NEBL: variants seen among roughly 807,000 people sequenced by gnomAD.
NEBL encodes the protein LIM and SH3 protein 2.
In NEBL, 122 loss-of-function variants were observed where a neutral mutation model predicts 140.2. That is an observed-to-expected ratio of 0.87 (90% CI 0.75 to 1.01). The LOEUF (loss-of-function observed/expected upper bound fraction) is 1.01. Among genes scored for constraint, NEBL ranks in the 50% least tolerant of loss-of-function variants. The pLI, the probability that NEBL is intolerant of heterozygous loss-of-function variation, is 0.00. For synonymous variants in NEBL, 436 were observed against 398.9 expected (o/e 1.09, Z -1.11); for missense variants, 1,365 against 1,231.3 (o/e 1.11, Z -1.62).
At chr10:20,889,813 G>A (rs1214696936) in intron 3 of NEBL, 32 bp downstream of exon 3, 4 of 1,305,224 alleles carry the variant, frequency 3.1e-6, no homozygotes, top group Non-Finnish European at 4.5e-6. Flanking sequence ...AAAGATAAAT[G>A]CAAGCCAGTT....
intron 2 of NEBL, among the ~76,000 whole-genome samples, chr10:21,094,880 C>G (rs186935829): frequency 1.3e-5 from 2 of 152,294 alleles, no homozygotes; most frequent in Non-Finnish European, 2.9e-5. Context: ...GACTAGAACC[C>G]TCTCGTCATA....
intron 26 of NEBL, 49 bp from the exon 27 acceptor site, chr10:20,787,357 G>C: frequency 7.0e-7 from 1 of 1,419,850 alleles, no homozygotes; most frequent in East Asian, 2.3e-5. Flanking sequence ...AGTTAGCCTC[G>C]AAATACCCAT....
chr10:20,862,142 G>A (rs757328042), intron 7 of NEBL, among the ~76,000 whole-genome samples: 4 of 152,116 alleles, frequency 2.6e-5, no homozygotes, highest in Admixed American at 6.6e-5. Flanking sequence ...GCCATGGTAA[G>A]GTTAAACAGT....
chr10:20,855,674 TG>T (rs1842999873), intron 9 of NEBL, among the ~76,000 whole-genome samples: 1 of 152,116 alleles, frequency 6.6e-6, no homozygotes, highest in African/African-American at 2.4e-5. Flanking sequence ...TATGTAAAGT[TG>T]TGAAAGAAAC....
At chr10:21,128,295 CATA>C (rs1838933116) in intron 2 of NEBL, among the ~76,000 whole-genome samples, 1 of 152,082 alleles carries the variant, frequency 6.6e-6, no homozygotes, top group African/African-American at 2.4e-5. Flanking sequence ...AACAGGATTA[CATA>C]ATAATCTTAT....
At chr10:20,813,295 T>G (rs1403678085) in intron 23 of NEBL, among the ~76,000 whole-genome samples, 1 of 151,888 alleles carries the variant, frequency 6.6e-6, no homozygotes, top group Non-Finnish European at 1.5e-5. Context: ...CTCTTCAACT[T>G]CAGTATGCAA....
chr10:21,086,498 T>C (rs1836636401), intron 2 of NEBL, among the ~76,000 whole-genome samples: 2 of 152,104 alleles, frequency 1.3e-5, no homozygotes, highest in South Asian at 4.1e-4. Context: ...CAGTGTCTAG[T>C]CGGGCATGGT....
intron 5 of NEBL, among the ~76,000 whole-genome samples, 155 bp downstream of exon 5, chr10:20,880,639 T>A (rs959218211): frequency 6.6e-6 from 1 of 152,230 alleles, no homozygotes; most frequent in African/African-American, 2.4e-5. Flanking sequence ...TGACTGTGGA[T>A]AGAATAATTC....
chr10:21,011,933 G>A (rs1316215838), intron 3 of NEBL, among the ~76,000 whole-genome samples: 1 of 152,192 alleles, frequency 6.6e-6, no homozygotes, highest in Admixed American at 6.5e-5. Context: ...CCACACTATG[G>A]GAGAGACTAA....
upstream of NEBL, among the ~76,000 whole-genome samples, chr10:21,179,204 C>T (rs1841348707): frequency 6.6e-6 from 1 of 152,120 alleles, no homozygotes; most frequent in Non-Finnish European, 1.5e-5. Context: ...CAGGGTCAGC[C>T]TGCTCTCTGA....
intron 2 of NEBL, among the ~76,000 whole-genome samples, chr10:21,119,315 T>C (rs1564517631): frequency 6.6e-6 from 1 of 152,054 alleles, no homozygotes; most frequent in Non-Finnish European, 1.5e-5. Context: ...ACTAGTGTGA[T>C]GAAGATACCC....
chr10:21,185,711 G>A (rs1841455812), intron 3 of NEBL, among the ~76,000 whole-genome samples: 2 of 151,762 alleles, frequency 1.3e-5, no homozygotes, highest in African/African-American at 4.8e-5. Flanking sequence ...TGGCCAGGCT[G>A]GTCTCGAACT....
At chr10:20,834,037 G>A (rs988653602) in intron 14 of NEBL, among the ~76,000 whole-genome samples, 86 of 152,092 alleles carry the variant, frequency 5.7e-4, no homozygotes, top group African/African-American at 2.0e-3. Context: ...GTAACGTTGA[G>A]ATCCCATTAT....
chr10:20,863,411 A>G (rs1302306339), intron 7 of NEBL, among the ~76,000 whole-genome samples: 1 of 152,228 alleles, frequency 6.6e-6, no homozygotes, highest in African/African-American at 2.4e-5. Flanking sequence ...ATCATTGAAA[A>G]TGAAAAGTAA....
intron 2 of NEBL, among the ~76,000 whole-genome samples, chr10:21,078,573 T>C (rs1412606818): frequency 1.3e-5 from 2 of 152,140 alleles, no homozygotes; most frequent in Middle Eastern, 6.3e-3. Flanking sequence ...CATCCCTCAG[T>C]TTTTATAAAT....
chr10:21,193,039 G>T (rs1225663966), intron 3 of NEBL, among the ~76,000 whole-genome samples: 1 of 152,172 alleles, frequency 6.6e-6, no homozygotes, highest in African/African-American at 2.4e-5. Flanking sequence ...TAAGAAGTTT[G>T]CTGGGCAGTC....
intron 2 of NEBL, among the ~76,000 whole-genome samples, chr10:21,086,057 T>C (rs1836615251): frequency 6.6e-6 from 1 of 152,132 alleles, no homozygotes; most frequent in African/African-American, 2.4e-5. Context: ...AATATGTGTG[T>C]TTTCAACCAG....
intron 2 of NEBL, among the ~76,000 whole-genome samples, chr10:21,042,696 C>G (rs1564490590): frequency 6.6e-6 from 1 of 152,188 alleles, no homozygotes; most frequent in Non-Finnish European, 1.5e-5. Context: ...GCAAACACTG[C>G]AAATCAGGCC....
At chr10:21,026,374 T>G (rs1442490890) in intron 2 of NEBL, among the ~76,000 whole-genome samples, 1 of 152,086 alleles carries the variant, frequency 6.6e-6, no homozygotes, top group Non-Finnish European at 1.5e-5. Flanking sequence ...ATGTCAACAG[T>G]GCTGAGGTTA....
Sources: gnomAD v4.1 joint callset for allele counts (sites outside exome capture counted in the v4.1 genomes callset) on GRCh38, gnomAD v4.1.1 for gene constraint, MANE v1.5 for transcripts, NCBI Gene and HGNC (gene_info 2026-07-23, HGNC 2026-07-21) for gene names.